The following SEMA4C variants were observed in gnomAD, a reference collection of about 807,000 sequenced individuals.
SEMA4C encodes semaphorin 4C.
A neutral mutation model predicts 89.0 loss-of-function variants in SEMA4C; 19 were observed. The observed-to-expected ratio is 0.21, with a 90% CI of 0.15 to 0.31. SEMA4C has a LOEUF of 0.31. Among genes scored for constraint, SEMA4C ranks in the 10% least tolerant of loss-of-function variants. SEMA4C has a pLI of 1.00. For synonymous variants in SEMA4C, 428 were observed against 472.7 expected (o/e 0.91, Z 1.23); for missense variants, 811 against 1,107.0 (o/e 0.73, Z 3.79).
chr2:96,869,536 C>A (rs894922049), intron 1 of SEMA4C: 108 of 985,188 alleles, frequency 1.1e-4, no homozygotes, highest in Non-Finnish European at 1.2e-4. Flanking sequence ...CCAAGCCCGC[C>A]CCAAACTTTC....
In SEMA4C at chr2:96,866,285, C is replaced by T; in HGVS notation, c.256G>A (p.Ala86Thr). 6.2e-7 allele frequency: 1 copy of T among 1,608,712 alleles called. No homozygotes were observed. Among genetic ancestry groups the T allele is most frequent in the African/African-American group, 1.3e-5 (1 of 74,986 alleles). The part of the protein sequence containing the change: ...FSMEALELQG[A>T]ISWEAPVEKK... ...CCTCCCACTGCCCCACCTCTCACCG[C>T]TCCTTGCAGCTCCAGGGCCTCCATG... The change falls in exon 3 of 15, where the codon GCG (alanine) becomes ACG (threonine). Residue 86 changes from alanine (A) to threonine (T), a missense_variant and splice_region_variant. Physicochemically the swap from Ala to Thr is moderately conservative, Grantham distance 58. Transcript: ENST00000305476.
At position 96,861,552 on chromosome 2, in the gene SEMA4C, C is replaced by T. The variant is rs376666518; in HGVS notation, c.1672+27G>A. On this transcript the variant is annotated intron_variant, in intron 14 of 14. Coordinates refer to ENST00000305476, the MANE Select transcript of SEMA4C (RefSeq NM_017789.5). This position sits in a 1 kb window ranked among gnomAD's most constrained non-coding sequence, Gnocchi z 7.8. The stretch of plus-strand genomic sequence containing the variant: ...TCCAGCTCTGGTCCAGGGCTCAGCC[C>T]GATGCGACGGGAATGAAAAAGCTCA... 45 of 1,601,386 alleles carry T rather than the reference C, an allele frequency of 2.8e-5. No individual in the cohort carries two copies. Among genetic ancestry groups the T allele is most frequent in the South Asian group, 1.2e-4 (11 of 90,418 alleles).
At position 96,861,969 on chromosome 2, in the gene SEMA4C, A is replaced by G. The variant is rs2153362278; in HGVS notation, c.1444-75T>C. 5.3e-6 allele frequency: 8 copies of G among 1,497,934 alleles called. No individual in the cohort carries two copies. The South Asian group carries it at 8.7e-5, about 16-fold the overall frequency. 92.8% of individuals were successfully genotyped at this position (1,497,934 alleles called of 1,614,324 possible). ...GGGAGGGGCGGCCGGACCAGAACGCAGCATGGGGACAGCTTGGACTCCTGC... is the reference window on the plus strand; with the variant it reads ...GGGAGGGGCGGCCGGACCAGAACGCGGCATGGGGACAGCTTGGACTCCTGC... On this transcript the variant is annotated intron_variant, in intron 12 of 14. Coordinates refer to ENST00000305476, the MANE Select transcript of SEMA4C (RefSeq NM_017789.5). This position sits in a 1 kb window ranked among gnomAD's most constrained non-coding sequence, Gnocchi z 7.8.
intron 1 of SEMA4C, chr2:96,869,604 G>A (rs951020606): frequency 5.1e-6 from 5 of 985,176 alleles, no homozygotes; most frequent in Non-Finnish European, 6.0e-6. Flanking sequence ...CCCGGCCGCG[G>A]ACCGGACCGC....
At chr2:96,868,790 G>A in intron 1 of SEMA4C, 1 of 985,300 alleles carries the variant, frequency 1.0e-6, no homozygotes, top group Non-Finnish European at 1.2e-6. Context: ...CGGGCCGCTG[G>A]CAACGCGCCG....
Position 96,860,637 on chromosome 2 carries a change from A to T in SEMA4C, c.2491T>A (p.Ser831Thr), listed in dbSNP as rs1160713396. Residue 831 changes from serine to threonine, a missense_variant, in exon 15 of 15, where the codon TCA (serine) becomes ACA (threonine). Physicochemically the swap from Ser to Thr is moderately conservative, Grantham distance 58. Around this residue, in one of 4 missense-constraint regions of SEMA4C, gnomAD observed 248 missense variants for 269.0 expected, o/e 0.92. Coordinates refer to ENST00000305476, the MANE Select transcript of SEMA4C (RefSeq NM_017789.5). ...QPLPDSNPEE[S>T]SV Reference sequence around the variant, plus strand: ...GGTGGGGGTTCCCCTCATACTGATGACTCCTCGGGGTTGGAGTCGGGCAGT... The same window carrying T: ...GGTGGGGGTTCCCCTCATACTGATGTCTCCTCGGGGTTGGAGTCGGGCAGT... 3 of 1,606,122 alleles carry T rather than the reference A, an allele frequency of 1.9e-6. No homozygotes were observed. In the Admixed American group the frequency reaches 5.1e-5, roughly 27 times the overall value.
intron 2 of SEMA4C, 114 bp downstream of exon 2, chr2:96,867,664 A>T: frequency 8.9e-7 from 1 of 1,127,158 alleles, no homozygotes; most frequent in Non-Finnish European, 1.3e-6. Context: ...CGTTCTTCCA[A>T]CTCGAGTTTC....
chr2:96,864,215 T>C lies in SEMA4C; in HGVS notation c.1107+23A>G, dbSNP rs1450378588. The C allele has an allele frequency of 8.1e-6, 13 of 1,613,484 alleles. No homozygotes were observed. The highest frequency in any genetic ancestry group is 1.1e-5 in the Non-Finnish European group (13 of 1,179,926). The stretch of plus-strand genomic sequence containing the variant: ...ATGGCACCGCAGCTGGGTGGGGAGA[T>C]GCATCCCTGCCCTAGCACTCACCGA... On this transcript the variant is annotated intron_variant, in intron 10 of 14. Coordinates refer to ENST00000305476, the MANE Select transcript of SEMA4C (RefSeq NM_017789.5). This position sits in a 1 kb window ranked among gnomAD's most constrained non-coding sequence, Gnocchi z 6.3.
rs778730354 is a variant in SEMA4C at position 96,865,857 on chromosome 2, A to G, written c.321+10T>C. The G allele has an allele frequency of 1.9e-6, 3 of 1,614,028 alleles. No homozygotes were observed. The highest frequency in any genetic ancestry group is 1.7e-5 in the Admixed American group (1 of 60,022). ...GAAGGCAGCACCAGGAGCAGCGTCC[A>G]AGCACCCACCTGGTTGTTCTTCCCT... On this transcript the variant is annotated intron_variant, in intron 4 of 14. Transcript: ENST00000305476.
At chr2:96,867,655 G>A (rs1574155953) in intron 2 of SEMA4C, 123 bp downstream of exon 2, 7 of 1,054,380 alleles carry the variant, frequency 6.6e-6, no homozygotes, top group South Asian at 1.3e-5. Context: ...CACACTGCCC[G>A]TTCTTCCAAC....
At chr2:96,865,560 T>C (rs890684340) in intron 5 of SEMA4C, 23 bp from the exon 6 acceptor site, 42 of 1,608,482 alleles carry the variant, frequency 2.6e-5, no homozygotes, top group Non-Finnish European at 3.6e-5. Flanking sequence ...AGAGAGGTGA[T>C]GAGGAGATGC....
chr2:96,868,802 G>A, intron 1 of SEMA4C: 1 of 985,298 alleles, frequency 1.0e-6, no homozygotes, highest in Non-Finnish European at 1.2e-6. Context: ...AACGCGCCGC[G>A]CACGGCCGGC....
intron 11 of SEMA4C, 46 bp from the exon 12 acceptor site, chr2:96,863,840 G>T: frequency 1.2e-6 from 2 of 1,602,698 alleles, no homozygotes; most frequent in Non-Finnish European, 1.7e-6. Context: ...GCACAAGGCC[G>T]TGGGGCAGCT....
In SEMA4C at chr2:96,866,778, C is replaced by T. The variant is rs145210561; in HGVS notation, c.110-347G>A. 5.1e-4 allele frequency: 207 copies of T among 408,108 alleles called. 6 individuals are homozygous for T. In the East Asian group the frequency reaches 0.012, roughly 24 times the overall value. The allele number at this position is 408,108 out of a possible 1,614,324, so 25.3% of individuals were successfully genotyped here. A position where few individuals can be genotyped will look rare whatever the true frequency, so the allele number is the denominator to read the frequency against. On this transcript the variant is annotated intron_variant, in intron 2 of 14. Coordinates refer to ENST00000305476, the MANE Select transcript of SEMA4C (RefSeq NM_017789.5). The stretch of plus-strand genomic sequence containing the variant: ...GGCACCCCCACCCCACCTTCGCTTC[C>T]TCGGCGGCTGCTTCCTTCTTTGCCC...
Position 96,860,979 on chromosome 2 carries a change from T to C in SEMA4C, c.2149A>G (p.Ser717Gly), listed in dbSNP as rs1215694579. 6.2e-7 allele frequency: 1 copy of C among 1,612,962 alleles called. No individual in the cohort carries two copies. The highest frequency in any genetic ancestry group is 1.3e-5 in the African/African-American group (1 of 75,024). ...TCAGGACAGGGCCGGAAGGGGGGACTGGTGGGCTCCTTGGGCAGCTCCAGG... is the reference window on the plus strand; with the variant it reads ...TCAGGACAGGGCCGGAAGGGGGGACCGGTGGGCTCCTTGGGCAGCTCCAGG... ...YPLELPKEPT[S>G]PPFRPCPEPD... The change falls in exon 15 of 15, where the codon AGT becomes GGT. Residue 717 changes from serine (S) to glycine (G), a missense_variant. Physicochemically the swap from Ser to Gly is moderately conservative, Grantham distance 56 (BLOSUM62 0). Around this residue, in one of 4 missense-constraint regions of SEMA4C, gnomAD observed 248 missense variants for 269.0 expected, o/e 0.92. Coordinates refer to ENST00000305476, the MANE Select transcript of SEMA4C (RefSeq NM_017789.5).
chr2:96,870,224 G>T, upstream of SEMA4C: 1 of 985,306 alleles, frequency 1.0e-6, no homozygotes, highest in Non-Finnish European at 1.2e-6. Context: ...TCCGCCCGGG[G>T]GCTCGGACCT....
upstream of SEMA4C, chr2:96,870,750 G>A (rs1222841038): frequency 2.0e-6 from 2 of 985,390 alleles, no homozygotes; most frequent in Non-Finnish European, 2.4e-6. Context: ...CAAGTGGCAT[G>A]AGCCCTACTG....
At chr2:96,867,253 C>T (rs1324354377) in intron 2 of SEMA4C, among the ~76,000 whole-genome samples, 1 of 152,190 alleles carries the variant, frequency 6.6e-6, no homozygotes, top group Admixed American at 6.5e-5. Flanking sequence ...GAGCTCATCC[C>T]AGGTCCCCAG....
Position 96,861,620 on chromosome 2 carries a change from G to A in SEMA4C, c.1631C>T (p.Ser544Leu), listed in dbSNP as rs764755720. 1.6e-5 allele frequency: 25 copies of A among 1,579,104 alleles called. No individual in the cohort carries two copies. Among genetic ancestry groups the A allele is most frequent in the Non-Finnish European group, 1.9e-5 (22 of 1,159,190 alleles). The stretch of plus-strand genomic sequence containing the variant: ...GAGGTTGCAGATGCCTGAAGTGTCC[G>A]AGGTCATCACATGCTGGATCAGTAG... Reference protein sequence around the residue: ...GSLLIQHVMTSDTSGICNLRG... With the variant: ...GSLLIQHVMTLDTSGICNLRG... The change falls in exon 14 of 15, where the codon TCG (serine) becomes TTG (leucine). Residue 544 changes from serine (S) to leucine (L), a missense_variant. Around this residue, in one of 4 missense-constraint regions of SEMA4C, gnomAD observed 441 missense variants for 664.9 expected, o/e 0.66. Coordinates refer to ENST00000305476, the MANE Select transcript of SEMA4C (RefSeq NM_017789.5). The surrounding 1 kb of genome is among the most constrained non-coding windows in gnomAD (Gnocchi z 7.8).
Sources: gnomAD v4.1 joint callset for allele counts (sites outside exome capture counted in the v4.1 genomes callset) on GRCh38, gnomAD v4.1.1 for gene constraint, gnomAD v4.1.1 regional missense constraint, Gnocchi (gnomAD v3.1) non-coding constraint, MANE v1.5 for transcripts, NCBI Gene and HGNC (gene_info 2026-07-23, HGNC 2026-07-21) for gene names.